PLCB1: variants seen among roughly 807,000 people sequenced by gnomAD.
The protein encoded by PLCB1 is phospholipase C beta 1.
PLCB1 carries 46 observed loss-of-function variants against 161.8 expected under a neutral mutation model. The ratio of observed to expected loss-of-function variants is 0.28; its 90% confidence interval spans 0.22 to 0.36. PLCB1 has a LOEUF of 0.36. Ranked by LOEUF, PLCB1 falls within the 10% of genes least tolerant of loss-of-function variation. PLCB1 has a pLI of 1.00. For missense variants in PLCB1, 1,016 were observed against 1,472.5 expected, an observed-to-expected ratio of 0.69 and a Z score of 5.07; for synonymous variants, 517 against 503.7, an observed-to-expected ratio of 1.03 and a Z score of -0.35.
chr20:8,406,677 C>A (rs1445731038), intron 3 of PLCB1, among the ~76,000 whole-genome samples: 2 of 152,112 alleles, frequency 1.3e-5, no homozygotes, highest in Non-Finnish European at 2.9e-5. Context: ...AAAGAAAATT[C>A]ATTGAAGAAG....
In PLCB1 at chr20:8,262,250, T is replaced by C. The variant is rs922226365; in HGVS notation, c.178-109132T>C. On this transcript the variant is annotated intron_variant, in intron 2 of 31. Coordinates refer to ENST00000338037, the MANE Select transcript of PLCB1 (RefSeq NM_015192.4). ...GCACATGCCACCACGCCAGGCTACT[T>C]TTTTTTTTTATTGTATTTTCAGTAG... Among the ~76,000 whole-genome samples the C allele has an allele frequency of 1.5e-3, 91 of 62,542 alleles. 1 individual carries two copies. Among genetic ancestry groups the C allele is most frequent in the Non-Finnish European group, 2.2e-3 (61 of 28,092 alleles). 41.0% of individuals were successfully genotyped at this position (62,542 alleles called of 152,430 possible). A position where few individuals can be genotyped will look rare whatever the true frequency, so the allele number is the denominator to read the frequency against.
intron 3 of PLCB1, among the ~76,000 whole-genome samples, chr20:8,561,663 A>G (rs1237973841): frequency 6.6e-6 from 1 of 152,008 alleles, no homozygotes; most frequent in Non-Finnish European, 1.5e-5. Flanking sequence ...TGTGTTTGGT[A>G]AATTTGCTTC....
chr20:8,451,451 G>A (rs1162011243), intron 3 of PLCB1, among the ~76,000 whole-genome samples: 3 of 152,082 alleles, frequency 2.0e-5, no homozygotes, highest in African/African-American at 2.4e-5. Context: ...GGGTTCAAGC[G>A]ATTCTCATGC....
At chr20:8,718,721 A>T (rs1258025383) in intron 14 of PLCB1, among the ~76,000 whole-genome samples, 1 of 152,190 alleles carries the variant, frequency 6.6e-6, no homozygotes, top group Non-Finnish European at 1.5e-5. Context: ...AAGCTAACAT[A>T]TTCATGGAGC....
chr20:8,563,319 A>G (rs1293270535), intron 3 of PLCB1, among the ~76,000 whole-genome samples: 1 of 151,926 alleles, frequency 6.6e-6, no homozygotes, highest in Non-Finnish European at 1.5e-5. Flanking sequence ...GTCTCAGCTG[A>G]AAAAAAATTT....
Position 8,798,577 on chromosome 20 carries a change from C to CACAT in PLCB1, c.3423+8319_3423+8320insTACA, listed in dbSNP as rs1365573919. ...ACAGAGTTGAACATACACACATACA[C>CACAT]ACACACACACACACACACCCCTGGC... On this transcript the variant is annotated intron_variant, in intron 31 of 31. Coordinates refer to ENST00000338037, the MANE Select transcript of PLCB1 (RefSeq NM_015192.4). 4.6e-4 allele frequency among the ~76,000 whole-genome samples: 5 copies of CACAT among 10,884 alleles called. No individual in the cohort carries two copies. In the Non-Finnish European group the frequency reaches 0.018, roughly 39 times the overall value. The allele number at this position is 10,884 out of a possible 152,430, so 7.1% of individuals were successfully genotyped here. A position where few individuals can be genotyped will look rare whatever the true frequency, so the allele number is the denominator to read the frequency against.
At chr20:8,194,642 T>A (rs1047296313) in intron 2 of PLCB1, among the ~76,000 whole-genome samples, 3 of 152,052 alleles carry the variant, frequency 2.0e-5, no homozygotes, top group Non-Finnish European at 2.9e-5. Context: ...AAATTTGTTT[T>A]ATAGATTTGC....
intron 1 of PLCB1, among the ~76,000 whole-genome samples, chr20:8,139,387 C>T (rs931875240): frequency 6.6e-6 from 1 of 152,112 alleles, no homozygotes; most frequent in Admixed American, 6.5e-5. Flanking sequence ...TGAGCCACCG[C>T]ACCCGGCCTT....
chr20:8,134,421 T>G (rs1031820825), intron 1 of PLCB1, among the ~76,000 whole-genome samples: 3 of 152,260 alleles, frequency 2.0e-5, no homozygotes, highest in Non-Finnish European at 4.4e-5. Flanking sequence ...GATTCTAAAC[T>G]GTATTTTAAA....
chr20:8,397,908 G>T (rs1024835824), intron 3 of PLCB1, among the ~76,000 whole-genome samples: 1 of 151,608 alleles, frequency 6.6e-6, no homozygotes, highest in African/African-American at 2.4e-5. Flanking sequence ...TATGCATAAG[G>T]CTACAATTTT....
intron 3 of PLCB1, among the ~76,000 whole-genome samples, chr20:8,435,706 G>T (rs1259070439): frequency 6.6e-6 from 1 of 152,178 alleles, no homozygotes; most frequent in Non-Finnish European, 1.5e-5. Context: ...CAAGCCTCCA[G>T]ACTTTAACCC....
At chr20:8,735,184 C>T (rs979115468) in intron 19 of PLCB1, among the ~76,000 whole-genome samples, 6 of 152,080 alleles carry the variant, frequency 3.9e-5, no homozygotes, top group East Asian at 1.9e-4. Context: ...TGTTATAGTT[C>T]GGTTGAATTA....
At chr20:8,794,642 T>C (rs1983929243) in intron 31 of PLCB1, among the ~76,000 whole-genome samples, 2 of 152,234 alleles carry the variant, frequency 1.3e-5, no homozygotes, top group Admixed American at 6.5e-5. Context: ...AATGTAATAG[T>C]GTGTTTCATG....
rs1176438846 is a variant in PLCB1 at position 8,717,764 on chromosome 20, A to G, written c.1429A>G (p.Ser477Gly). Residue 477 changes from serine to glycine, a missense_variant, in exon 14 of 32, where the codon AGC becomes GGC. Ser to Gly is a moderately conservative substitution (Grantham distance 56). This residue lies in a region of PLCB1 where 109 missense variants were observed against 129.7 expected (regional missense o/e 0.84). Transcript: ENST00000338037. ...KKKSHKSSEG[S>G]GKKKLSEQAS... ...GAAATCACACAAGTCATCAGAAGGA[A>G]GCGGCAAAAAGAAGCTCTCAGAACA... is the stretch of plus-strand genomic sequence containing the variant. 6.2e-7 allele frequency: 1 copy of G among 1,614,090 alleles called. No individual in the cohort carries two copies. The highest frequency in any genetic ancestry group is 1.1e-5 in the South Asian group (1 of 91,080).
chr20:8,132,902 GGATGTC>G lies in PLCB1; in HGVS notation c.99+153_99+158del. ...CGCACAGGTTGGCATCTGCCAAAGC[GGATGTC>G]CAAGGGCAGAAGCTTTGCGCGCGCT... On this transcript the variant is annotated intron_variant, in intron 1 of 31. Coordinates refer to ENST00000338037, the MANE Select transcript of PLCB1 (RefSeq NM_015192.4). The surrounding 1 kb of genome is among the most constrained non-coding windows in gnomAD (Gnocchi z 5.2). 1 of 627,370 alleles carries G rather than the reference GGATGTC, an allele frequency of 1.6e-6. No homozygotes were observed. The highest frequency in any genetic ancestry group is 3.0e-5 in the East Asian group (1 of 33,480). The allele number at this position is 627,370 out of a possible 1,614,324, so 38.9% of individuals were successfully genotyped here.
intron 2 of PLCB1, among the ~76,000 whole-genome samples, chr20:8,316,742 C>T (rs566729341): frequency 3.3e-5 from 5 of 151,958 alleles, no homozygotes; most frequent in Non-Finnish European, 5.9e-5. Flanking sequence ...GACAGAAAGA[C>T]GAGGGGTGGG....
intron 31 of PLCB1, among the ~76,000 whole-genome samples, chr20:8,877,126 T>C (rs985705880): frequency 1.3e-5 from 2 of 152,144 alleles, no homozygotes; most frequent in Non-Finnish European, 2.9e-5. Flanking sequence ...GAATAGAAAT[T>C]CAACACATAT....
chr20:8,549,522 A>T (rs1250304426), intron 3 of PLCB1, among the ~76,000 whole-genome samples: 1 of 152,160 alleles, frequency 6.6e-6, no homozygotes, highest in Non-Finnish European at 1.5e-5. Context: ...GACCAGGTGG[A>T]GATAAATGAA....
At chr20:8,673,522 T>C (rs1990000387) in intron 9 of PLCB1, among the ~76,000 whole-genome samples, 1 of 152,236 alleles carries the variant, frequency 6.6e-6, no homozygotes, top group South Asian at 2.1e-4. Flanking sequence ...CCTGTCTTTC[T>C]TCCGCATATT....
Sources: allele counts gnomAD v4.1 joint callset (sites outside exome capture counted in the v4.1 genomes callset), GRCh38; gene constraint gnomAD v4.1.1; regional missense constraint gnomAD v4.1.1; non-coding constraint Gnocchi (gnomAD v3.1); transcripts MANE v1.5; gene names NCBI Gene and HGNC (gene_info 2026-07-23, HGNC 2026-07-21).